Variants in FBXO5 observed in about 807,000 individuals in gnomAD.
FBXO5 encodes the protein F-box protein 5.
Under a neutral mutation model 43.3 loss-of-function variants are expected in FBXO5, and 8 were observed. The observed-to-expected ratio is 0.18, with a 90% CI of 0.11 to 0.33. The LOEUF is 0.33. Among genes scored for constraint, FBXO5 ranks in the 10% least tolerant of loss-of-function variants. The probability of loss-of-function intolerance (pLI) is 1.00; values close to 1 mark genes in which losing one functional copy is unlikely to be tolerated. For missense variants in FBXO5, 491 were observed against 535.7 expected (o/e 0.92, Z 0.82); for synonymous variants, 204 against 193.7 (o/e 1.05, Z -0.44).
chr6:152,976,377 G>T (rs1261261847), intron 1 of FBXO5, among the ~76,000 whole-genome samples: 1 of 152,088 alleles, frequency 6.6e-6, no homozygotes. Context: ...GGTGCTCCTG[G>T]TGACCTTCTA....
intron 1 of FBXO5, among the ~76,000 whole-genome samples, chr6:152,978,758 T>C (rs1778214170): frequency 6.6e-6 from 1 of 151,578 alleles, no homozygotes; most frequent in African/African-American, 2.4e-5. Flanking sequence ...GAGGCTGAGG[T>C]TGGGGGACTG....
At chr6:152,974,644 T>C (rs1237888548) in intron 2 of FBXO5, among the ~76,000 whole-genome samples, 1 of 152,192 alleles carries the variant, frequency 6.6e-6, no homozygotes, top group East Asian at 1.9e-4. Context: ...CTGAAAACTT[T>C]TGAATGCTGA....
Position 152,975,387 on chromosome 6 carries a change from T to A in FBXO5, c.338A>T (p.Lys113Met). 1 of 1,613,850 alleles carries A rather than the reference T, an allele frequency of 6.2e-7. No individual in the cohort carries two copies. Among genetic ancestry groups the A allele is most frequent in the Non-Finnish European group, 8.5e-7 (1 of 1,179,930 alleles). The change falls in exon 2 of 5, where the codon AAG (lysine) becomes ATG (methionine). Residue 113 changes from lysine to methionine, a missense_variant. By Grantham distance (95) the Lys-to-Met change is moderately conservative. Coordinates refer to ENST00000229758, the MANE Select transcript of FBXO5 (RefSeq NM_012177.5). ...PRIVQLETES[K>M]RLHNKENQHV... ...TTGATTTTCCTTGTTATGCAAGCGC[T>A]TGCTTTCAGTTTCAAGTTGTACAAT... is the stretch of plus-strand genomic sequence containing the variant.
At chr6:152,974,806 C>T (rs1046016567) in intron 2 of FBXO5, 101 bp downstream of exon 2, 1 of 912,104 alleles carries the variant, frequency 1.1e-6, no homozygotes, top group Non-Finnish European at 1.6e-6. Flanking sequence ...ATGAGGGACA[C>T]TCAACCTGTA....
chr6:152,971,999 T>C (rs567379076), intron 4 of FBXO5, among the ~76,000 whole-genome samples: 3 of 152,304 alleles, frequency 2.0e-5, no homozygotes, highest in South Asian at 4.1e-4. Flanking sequence ...GTACCTAATA[T>C]TCATAGAAAT....
In FBXO5 at chr6:152,970,748, G is replaced by A. The variant is rs76686834; in HGVS notation, c.*415C>T. On this transcript the variant is annotated 3_prime_UTR_variant, in exon 5 of 5. Coordinates refer to ENST00000229758, the MANE Select transcript of FBXO5 (RefSeq NM_012177.5). ...GTGACAACACATTTAATAGACTCCA[G>A]AAGTTGATATTTCTGTTGGTATCAA... The A allele has an allele frequency of 0.032, 5,011 of 154,700 alleles. 178 individuals carry two copies. The highest frequency in any genetic ancestry group is 0.13 in the Admixed American group (1,979 of 15,554). The allele number at this position is 154,700 out of a possible 1,614,324, so 9.6% of individuals were successfully genotyped here.
chr6:152,982,873 G>A lies in FBXO5; in HGVS notation c.87C>T (p.Arg29=). ...CTCACTCACTATCCGAGGGTCGAGG[G>A]CGCCCGGCGGCTGTCACTGCGCTGG... The part of the protein sequence containing the change: ...ASPSAVTAAG[R]PRPSDSCKEE... The change falls in exon 1 of 5, where the codon CGC becomes CGT. Residue 29 remains arginine, a synonymous_variant. Transcript: ENST00000229758. 6.6e-7 allele frequency: 1 copy of A among 1,511,210 alleles called. No homozygotes were observed. The highest frequency in any genetic ancestry group is 8.8e-7 in the Non-Finnish European group (1 of 1,136,498). 93.6% of individuals were successfully genotyped at this position (1,511,210 alleles called of 1,614,324 possible). A position where few individuals can be genotyped will look rare whatever the true frequency, so the allele number is the denominator to read the frequency against.
chr6:152,971,225 T>C lies in FBXO5; in HGVS notation c.1282A>G (p.Ser428Gly). The C allele has an allele frequency of 1.9e-6, 3 of 1,613,926 alleles. No homozygotes were observed. Among genetic ancestry groups the C allele is most frequent in the Middle Eastern group, 3.3e-4 (2 of 6,058 alleles). Residue 428 changes from serine to glycine, a missense_variant, in exon 5 of 5, where the codon AGT becomes GGT. Physicochemically the swap from Ser to Gly is moderately conservative, Grantham distance 56. Transcript: ENST00000229758. ...CCAGGCAGGGGACCTATTTTACAAC[T>C]GGCTTTGAGGAGCTTGCCATCTGAA... is the stretch of plus-strand genomic sequence containing the variant. ...DCSDGKLLKASCKIGPLPGTK... is the reference protein window; with the variant it reads ...DCSDGKLLKAGCKIGPLPGTK...
Position 152,982,920 on chromosome 6 carries a change from G to T in FBXO5, c.40C>A (p.Arg14Ser), listed in dbSNP as rs914350637. ...RPCSCALRPP[R>S]CSCSASPSAV... Reference sequence around the variant, plus strand: ...CTGGGGCTGGCGCTGCAGGAGCAGCGGGGTGGCCGTAGGGCGCAGCTGCAG... The same window carrying T: ...CTGGGGCTGGCGCTGCAGGAGCAGCTGGGTGGCCGTAGGGCGCAGCTGCAG... Residue 14 changes from arginine (R) to serine (S), a missense_variant, in exon 1 of 5, where the codon CGC becomes AGC. Arg to Ser is a moderately radical substitution (Grantham distance 110). Transcript: ENST00000229758. 5 of 1,469,610 alleles carry T rather than the reference G, an allele frequency of 3.4e-6. No individual in the cohort carries two copies. In the African/African-American group the frequency reaches 7.4e-5, roughly 22 times the overall value. 91.0% of individuals were successfully genotyped at this position (1,469,610 alleles called of 1,614,324 possible).
chr6:152,971,457 T>C (rs1778084420), intron 4 of FBXO5, 43 bp from the exon 5 acceptor site: 2 of 1,555,526 alleles, frequency 1.3e-6, no homozygotes, highest in Non-Finnish European at 1.7e-6. Context: ...TCAGCAAGAA[T>C]TACATGTACT....
In FBXO5 at chr6:152,976,000, A is replaced by G. The variant is rs115258242; in HGVS notation, c.104-379T>C. Among the ~76,000 whole-genome samples the G allele has an allele frequency of 7.9e-3, 1,207 of 152,302 alleles. 16 individuals are homozygous for G. The highest frequency in any genetic ancestry group is 0.028 in the African/African-American group (1,152 of 41,576). ...ACAAATGAAGAAATGTGATGTATCA[A>G]AAGAGTAGGCGCTATGGTCAAAGTT... On this transcript the variant is annotated intron_variant, in intron 1 of 4. Transcript: ENST00000229758.
intron 1 of FBXO5, among the ~76,000 whole-genome samples, chr6:152,982,174 G>A (rs1319376094): frequency 6.6e-6 from 1 of 152,206 alleles, no homozygotes; most frequent in Non-Finnish European, 1.5e-5. Flanking sequence ...TGTCCCAGTT[G>A]AGTTTGGTCC....
rs755110957 is a variant in FBXO5 at position 152,982,951 on chromosome 6, C to T, written c.9G>A (p.Arg3=). 6 of 1,411,758 alleles carry T rather than the reference C, an allele frequency of 4.3e-6. No homozygotes were observed. In the South Asian group the frequency reaches 7.6e-5, roughly 18 times the overall value. The allele number at this position is 1,411,758 out of a possible 1,614,324, so 87.5% of individuals were successfully genotyped here. MS[R]RPCSCALRPP... The stretch of plus-strand genomic sequence containing the variant: ...GCCGTAGGGCGCAGCTGCAGGGGCG[C>T]CGGCTCATGCCAGCCGACGTGGAGT... The change falls in exon 1 of 5, where the codon CGG becomes CGA. Residue 3 remains arginine (R), a synonymous_variant. Transcript: ENST00000229758.
At chr6:152,981,266 T>A (rs1778253827) in intron 1 of FBXO5, among the ~76,000 whole-genome samples, 1 of 152,226 alleles carries the variant, frequency 6.6e-6, no homozygotes, top group Non-Finnish European at 1.5e-5. Flanking sequence ...TAGAGAAAAG[T>A]AAATTTTACA....
In FBXO5 at chr6:152,982,920, G is replaced by C. The variant is rs914350637; in HGVS notation, c.40C>G (p.Arg14Gly). The part of the protein sequence containing the change: ...RPCSCALRPP[R>G]CSCSASPSAV... ...CTGGGGCTGGCGCTGCAGGAGCAGC[G>C]GGGTGGCCGTAGGGCGCAGCTGCAG... Residue 14 changes from arginine (R) to glycine (G), a missense_variant, in exon 1 of 5, where the codon CGC becomes GGC. Physicochemically the swap from Arg to Gly is moderately radical, Grantham distance 125 (BLOSUM62 -2). Transcript: ENST00000229758. 2 of 1,469,724 alleles carry C rather than the reference G, an allele frequency of 1.4e-6. No individual in the cohort carries two copies. The highest frequency in any genetic ancestry group is 1.8e-6 in the Non-Finnish European group (2 of 1,118,286). The allele number at this position is 1,469,724 out of a possible 1,614,324, so 91.0% of individuals were successfully genotyped here. A position where few individuals can be genotyped will look rare whatever the true frequency, so the allele number is the denominator to read the frequency against.
intron 1 of FBXO5, among the ~76,000 whole-genome samples, chr6:152,977,112 T>C (rs1778180778): frequency 6.6e-6 from 1 of 152,168 alleles, no homozygotes; most frequent in Admixed American, 6.5e-5. Context: ...AACGGCACAA[T>C]GCTGGGAAGG....
At chr6:152,977,150 T>C (rs756327481) in intron 1 of FBXO5, among the ~76,000 whole-genome samples, 2 of 152,140 alleles carry the variant, frequency 1.3e-5, no homozygotes, top group Non-Finnish European at 2.9e-5. Context: ...CAGAAAACTG[T>C]TTAGCATTGT....
At chr6:152,982,673 C>A (rs930670618) in intron 1 of FBXO5, among the ~76,000 whole-genome samples, 184 bp downstream of exon 1, 2 of 152,124 alleles carry the variant, frequency 1.3e-5, no homozygotes, top group Admixed American at 1.3e-4. Context: ...CTTCTGGCTT[C>A]CCCCCGACAC....
chr6:152,971,023 T>A lies in FBXO5; in HGVS notation c.*140A>T, dbSNP rs533819854. 1.4e-6 allele frequency: 1 copy of A among 713,572 alleles called. No individual in the cohort carries two copies. The highest frequency in any genetic ancestry group is 1.8e-5 in the African/African-American group (1 of 55,098). The allele number at this position is 713,572 out of a possible 1,614,324, so 44.2% of individuals were successfully genotyped here. Reference sequence around the variant, plus strand: ...TTTAAGAGGTTGTCTATCCTCTTTATCTTCTGGGGGGAAAAAAACCTCAGG... The same window carrying A: ...TTTAAGAGGTTGTCTATCCTCTTTAACTTCTGGGGGGAAAAAAACCTCAGG... On this transcript the variant is annotated 3_prime_UTR_variant, in exon 5 of 5. Coordinates refer to ENST00000229758, the MANE Select transcript of FBXO5 (RefSeq NM_012177.5).
Sources: allele counts gnomAD v4.1 joint callset (sites outside exome capture counted in the v4.1 genomes callset), GRCh38; gene constraint gnomAD v4.1.1; transcripts MANE v1.5; gene names NCBI Gene and HGNC (gene_info 2026-07-23, HGNC 2026-07-21).